The following ZC2HC1A variants were observed in gnomAD, a reference collection of about 807,000 sequenced individuals.
The protein encoded by ZC2HC1A is zinc finger C2HC domain-containing protein 1A.
Under a neutral mutation model 40.7 loss-of-function variants are expected in ZC2HC1A, and 28 were observed. That is an observed-to-expected ratio of 0.69 (90% CI 0.51 to 0.94). ZC2HC1A has a LOEUF of 0.94. Among genes scored for constraint, ZC2HC1A ranks in the 40% least tolerant of loss-of-function variants. ZC2HC1A has a pLI of 0.00. For missense variants in ZC2HC1A, 389 were observed against 386.3 expected (o/e 1.01, Z -0.06); for synonymous variants, 129 against 129.2 (o/e 1.00, Z 0.01).
chr8:78,717,193 A>C (rs929071804), intron 8 of ZC2HC1A, 135 bp from the exon 9 acceptor site: 14 of 750,774 alleles, frequency 1.9e-5, no homozygotes, highest in Non-Finnish European at 4.0e-6. Flanking sequence ...GGATTTTTTA[A>C]AATTTGAACT....
At chr8:78,677,783 A>G (rs1306297339) in intron 2 of ZC2HC1A, among the ~76,000 whole-genome samples, 1 of 152,150 alleles carries the variant, frequency 6.6e-6, no homozygotes, top group African/African-American at 2.4e-5. Flanking sequence ...TTGCACAGGA[A>G]ACAATTTAGG....
At chr8:78,690,784 G>A (rs1164134136) in intron 5 of ZC2HC1A, among the ~76,000 whole-genome samples, 1 of 152,012 alleles carries the variant, frequency 6.6e-6, no homozygotes, top group Non-Finnish European at 1.5e-5. Context: ...GTTTTGTAGT[G>A]TATATTATAT....
intron 4 of ZC2HC1A, among the ~76,000 whole-genome samples, chr8:78,687,494 T>G (rs1810028653): frequency 7.0e-6 from 1 of 143,152 alleles, no homozygotes; most frequent in Admixed American, 7.1e-5. Context: ...TTATATATGT[T>G]TATATAATAA....
chr8:78,711,891 G>A (rs1272520450), intron 7 of ZC2HC1A: 5 of 620,252 alleles, frequency 8.1e-6, no homozygotes, highest in Non-Finnish European at 1.3e-5. Context: ...GACTTGGGGA[G>A]TAGATATCTG....
chr8:78,673,712 C>T (rs1273956007), intron 1 of ZC2HC1A, among the ~76,000 whole-genome samples: 1 of 152,160 alleles, frequency 6.6e-6, no homozygotes, highest in East Asian at 1.9e-4. Flanking sequence ...TAGGTCTTGA[C>T]ATCAACACAC....
rs138175838 is a variant in ZC2HC1A, at chr8:78,680,258, G to A, written c.210+1579G>A. 6.1e-3 allele frequency among the ~76,000 whole-genome samples: 877 copies of A among 143,668 alleles called. 10 individuals are homozygous for A. Among genetic ancestry groups the A allele is most frequent in the African/African-American group, 0.021 (791 of 37,742 alleles). 94.3% of individuals were successfully genotyped at this position (143,668 alleles called of 152,430 possible). The stretch of plus-strand genomic sequence containing the variant: ...AAAGCAAAGTACAGTCCGCAGTCCG[G>A]CCTGGGCGACAGAGCGAGACTCCGT... On this transcript the variant is annotated intron_variant, in intron 3 of 8. Coordinates refer to ENST00000263849, the MANE Select transcript of ZC2HC1A (RefSeq NM_016010.3).
chr8:78,670,671 T>C (rs1171465475), intron 1 of ZC2HC1A, among the ~76,000 whole-genome samples: 1 of 152,164 alleles, frequency 6.6e-6, no homozygotes, highest in Non-Finnish European at 1.5e-5. Context: ...AGCAAGTCAC[T>C]CTGAGATCAA....
chr8:78,706,147 C>T (rs542642932), intron 7 of ZC2HC1A, among the ~76,000 whole-genome samples: 3 of 152,274 alleles, frequency 2.0e-5, no homozygotes, highest in African/African-American at 7.2e-5. Flanking sequence ...GCAGCCTGTC[C>T]CTTCCCCTGG....
At chr8:78,716,097 T>C (rs980863456) in intron 8 of ZC2HC1A, among the ~76,000 whole-genome samples, 1 of 151,238 alleles carries the variant, frequency 6.6e-6, no homozygotes, top group African/African-American at 2.4e-5. Flanking sequence ...TATTTTACCT[T>C]TATTACTGTT....
intron 7 of ZC2HC1A, among the ~76,000 whole-genome samples, chr8:78,698,914 T>A (rs1210245269): frequency 6.6e-6 from 1 of 152,144 alleles, no homozygotes; most frequent in African/African-American, 2.4e-5. Flanking sequence ...AGAAGCTCAG[T>A]TTGCTCAAAG....
At chr8:78,709,719 T>TAA (rs762270772) in intron 7 of ZC2HC1A, among the ~76,000 whole-genome samples, 3 of 130,496 alleles carry the variant, frequency 2.3e-5, no homozygotes, top group African/African-American at 2.8e-5. Flanking sequence ...GCTGATGAAC[T>TAA]AAAAAAAAAA....
intron 7 of ZC2HC1A, among the ~76,000 whole-genome samples, chr8:78,703,421 A>C (rs1008850446): frequency 6.6e-6 from 1 of 152,180 alleles, no homozygotes; most frequent in African/African-American, 2.4e-5. Flanking sequence ...GTCTCATTGA[A>C]GGTCTCTAAG....
At chr8:78,697,199 A>G (rs1252549252) in intron 5 of ZC2HC1A, among the ~76,000 whole-genome samples, 2 of 152,144 alleles carry the variant, frequency 1.3e-5, no homozygotes, top group Non-Finnish European at 2.9e-5. Flanking sequence ...TACCATCTTA[A>G]TCGTTTTTAA....
Position 78,717,612 on chromosome 8 carries a change from TTA to T in ZC2HC1A, c.*120_*121del. 2 of 1,167,680 alleles carry T rather than the reference TTA, an allele frequency of 1.7e-6. No individual in the cohort carries two copies. Among genetic ancestry groups the T allele is most frequent in the Non-Finnish European group, 2.4e-6 (2 of 847,806 alleles). 72.3% of individuals were successfully genotyped at this position (1,167,680 alleles called of 1,614,324 possible). ...AAAATACTCGAAATACCATTTCCAG[TTA>T]ATTTTGAAGTGTAATCTTTTGGCTA... On this transcript the variant is annotated 3_prime_UTR_variant, in exon 9 of 9. Transcript: ENST00000263849.
intron 4 of ZC2HC1A, among the ~76,000 whole-genome samples, chr8:78,687,506 TTA>T (rs568057552): frequency 1.4e-5 from 2 of 142,498 alleles, no homozygotes; most frequent in African/African-American, 2.6e-5. Flanking sequence ...ATATAATAAA[TTA>T]TATATATTTA....
Position 78,715,210 on chromosome 8 carries a change from CTT to C in ZC2HC1A, c.705-6_705-5del. The stretch of plus-strand genomic sequence containing the variant: ...TCAATACTTTTCCATTATTTTTCCT[CTT>C]TTTTATAGAGCTAATGTCAAACCCC... On this transcript the variant is annotated splice_polypyrimidine_tract_variant and intron_variant, in intron 7 of 8. Transcript: ENST00000263849. The C allele has an allele frequency of 1.9e-6, 3 of 1,609,634 alleles. No individual in the cohort carries two copies. Among genetic ancestry groups the C allele is most frequent in the South Asian group, 1.1e-5 (1 of 90,214 alleles).
intron 2 of ZC2HC1A, among the ~76,000 whole-genome samples, chr8:78,677,335 G>A (rs1809612877): frequency 1.3e-5 from 2 of 150,560 alleles, no homozygotes; most frequent in Non-Finnish European, 3.0e-5. Context: ...CTGAATAAAT[G>A]AATGAATGGA....
chr8:78,668,076 T>G (rs1270717742), intron 1 of ZC2HC1A, among the ~76,000 whole-genome samples: 1 of 152,148 alleles, frequency 6.6e-6, no homozygotes, highest in Admixed American at 6.5e-5. Context: ...AGTTGAATTC[T>G]GGTAATTTCA....
In ZC2HC1A at chr8:78,714,914, T is replaced by C. The variant is rs559478073; in HGVS notation, c.705-307T>C. Among the ~76,000 whole-genome samples, 11 of 152,334 alleles carry C rather than the reference T, an allele frequency of 7.2e-5. No individual in the cohort carries two copies. In the South Asian group the frequency reaches 1.9e-3, roughly 26 times the overall value. ...CAGAATATATGTTTTGAGGGAAATA[T>C]AAATTTAAACTGTTTTTAAAAATGT... On this transcript the variant is annotated intron_variant, in intron 7 of 8. Coordinates refer to ENST00000263849, the MANE Select transcript of ZC2HC1A (RefSeq NM_016010.3).
Sources: allele counts gnomAD v4.1 joint callset (sites outside exome capture counted in the v4.1 genomes callset), GRCh38; gene constraint gnomAD v4.1.1; transcripts MANE v1.5; gene names NCBI Gene and HGNC (gene_info 2026-07-23, HGNC 2026-07-21).